The following FRMD4B variants were observed in gnomAD, a reference collection of about 807,000 sequenced individuals.
The protein encoded by FRMD4B is FERM domain containing 4B.
FRMD4B carries 74 observed loss-of-function variants against 141.5 expected under a neutral mutation model. The observed-to-expected ratio is 0.52, with a 90% CI of 0.43 to 0.63. The LOEUF (loss-of-function observed/expected upper bound fraction) is 0.63, where lower values mean the gene tolerates loss of function less well. FRMD4B is among the 30% of genes least tolerant of loss of function. FRMD4B has a pLI of 0.00. For synonymous variants in FRMD4B, 506 were observed against 467.9 expected (o/e 1.08, Z -1.05); for missense variants, 1,366 against 1,253.4 (o/e 1.09, Z -1.36).
intron 1 of FRMD4B, among the ~76,000 whole-genome samples, chr3:69,477,381 A>G (rs1399588030): frequency 2.7e-5 from 4 of 147,766 alleles, no homozygotes; most frequent in African/African-American, 7.8e-5. Context: ...ACGTCCCATC[A>G]ATACCTAATT....
chr3:69,354,174 G>A (rs1285126333), intron 1 of FRMD4B, among the ~76,000 whole-genome samples: 1 of 152,146 alleles, frequency 6.6e-6, no homozygotes, highest in African/African-American at 2.4e-5. Context: ...AGCCACAACA[G>A]AAAATCTTGG....
chr3:69,402,820 T>C (rs1319667882), intron 2 of FRMD4B, among the ~76,000 whole-genome samples: 1 of 152,138 alleles, frequency 6.6e-6, no homozygotes, highest in Non-Finnish European at 1.5e-5. Context: ...AGATTGCACA[T>C]GACAGACAGT....
intron 5 of FRMD4B, among the ~76,000 whole-genome samples, chr3:69,283,627 C>A (rs2093654327): frequency 6.6e-6 from 1 of 152,138 alleles, no homozygotes; most frequent in Non-Finnish European, 1.5e-5. Flanking sequence ...AACACTTGAT[C>A]AATGCCAACT....
At chr3:69,240,597 T>C (rs2093375539) in intron 7 of FRMD4B, among the ~76,000 whole-genome samples, 1 of 152,032 alleles carries the variant, frequency 6.6e-6, no homozygotes. Flanking sequence ...CTGGGAAACT[T>C]CCTACTAGAC....
At chr3:69,310,203 T>C (rs1701530607) in intron 3 of FRMD4B, among the ~76,000 whole-genome samples, 1 of 152,202 alleles carries the variant, frequency 6.6e-6, no homozygotes, top group African/African-American at 2.4e-5. Context: ...GTGCAAGTCC[T>C]GAGCCTGCTG....
chr3:69,261,420 G>A (rs915761076), intron 5 of FRMD4B, among the ~76,000 whole-genome samples: 1 of 152,194 alleles, frequency 6.6e-6, no homozygotes, highest in Non-Finnish European at 1.5e-5. Flanking sequence ...TGCTTTTAGT[G>A]TATTTAACTT....
intron 1 of FRMD4B, among the ~76,000 whole-genome samples, chr3:69,486,587 G>C (rs756285225): frequency 3.9e-5 from 6 of 152,180 alleles, no homozygotes; most frequent in Non-Finnish European, 7.3e-5. Context: ...CTTCACTCTG[G>C]AGTGAGCAGA....
chr3:69,443,808 C>G (rs921751085), intron 1 of FRMD4B, among the ~76,000 whole-genome samples: 1 of 152,180 alleles, frequency 6.6e-6, no homozygotes, highest in African/African-American at 2.4e-5. Flanking sequence ...CTTTGTAAAA[C>G]TAATGAAAAG....
intron 1 of FRMD4B, among the ~76,000 whole-genome samples, chr3:69,362,697 C>T (rs1363509443): frequency 1.3e-5 from 1 of 79,248 alleles, no homozygotes; most frequent in Non-Finnish European, 2.5e-5. Context: ...CAACAAAAAG[C>T]CAACCCCCCC....
chr3:69,396,989 G>C (rs969352872), intron 2 of FRMD4B, among the ~76,000 whole-genome samples: 1 of 152,128 alleles, frequency 6.6e-6, no homozygotes, highest in African/African-American at 2.4e-5. Context: ...TGGAATGTTA[G>C]CAATAAAAAG....
At chr3:69,538,608 G>A (rs1382280261) in intron 1 of FRMD4B, among the ~76,000 whole-genome samples, 2 of 151,954 alleles carry the variant, frequency 1.3e-5, no homozygotes, top group Non-Finnish European at 2.9e-5. Context: ...CCTTCATATT[G>A]AAAAAACACT....
At chr3:69,455,371 T>C (rs1705580650) in intron 1 of FRMD4B, among the ~76,000 whole-genome samples, 2 of 152,246 alleles carry the variant, frequency 1.3e-5, no homozygotes, top group Admixed American at 1.3e-4. Context: ...ACTGCCTTTA[T>C]GAGCTGTAAC....
rs1340979139 is a variant in FRMD4B, at chr3:69,279,068, TAATAAATAAACA to T, written c.501+8672_501+8683del. 7.8e-4 allele frequency among the ~76,000 whole-genome samples: 118 copies of T among 152,000 alleles called. 1 individual carries two copies. The highest frequency in any genetic ancestry group is 1.2e-4 in the Non-Finnish European group (8 of 68,016). On this transcript the variant is annotated intron_variant, in intron 5 of 22. Transcript: ENST00000398540. ...CATACCATCACATAAAGGATAAGGG[TAATAAATAAACA>T]AATAAATAAACACAACACATACTAC...
At chr3:69,226,853 A>G (rs1172672826) in intron 7 of FRMD4B, among the ~76,000 whole-genome samples, 2 of 152,214 alleles carry the variant, frequency 1.3e-5, no homozygotes, top group Admixed American at 6.5e-5. Context: ...ATTCCATTCA[A>G]TAAGCTCATG....
At chr3:69,509,867 A>C (rs1216948819) in intron 1 of FRMD4B, among the ~76,000 whole-genome samples, 2 of 151,806 alleles carry the variant, frequency 1.3e-5, no homozygotes, top group Non-Finnish European at 2.9e-5. Context: ...TTGATACTAA[A>C]GCGAGTATCA....
At chr3:69,172,029 C>G in intron 22 of FRMD4B, 48 bp from the exon 23 acceptor site, 1 of 1,588,730 alleles carries the variant, frequency 6.3e-7, no homozygotes, top group Non-Finnish European at 8.6e-7. Context: ...ATATTTTTGT[C>G]CCCACAGCAC....
At chr3:69,514,885 C>T (rs1700727210) in intron 1 of FRMD4B, among the ~76,000 whole-genome samples, 1 of 151,978 alleles carries the variant, frequency 6.6e-6, no homozygotes, top group Non-Finnish European at 1.5e-5. Flanking sequence ...TATGGATTCT[C>T]AAGGGACACT....
At chr3:69,311,124 C>T (rs760431610) in intron 3 of FRMD4B, 139 bp downstream of exon 3, 98 of 495,478 alleles carry the variant, frequency 2.0e-4, no homozygotes, top group Non-Finnish European at 1.7e-4. Context: ...GGAGAAAAAT[C>T]GCATATTAAA....
chr3:69,493,185 A>G (rs76730429), intron 1 of FRMD4B, among the ~76,000 whole-genome samples: 3,218 of 152,326 alleles, frequency 0.021, 92 homozygotes, highest in Non-Finnish European at 0.024. Flanking sequence ...AGAAAAAGGG[A>G]ACTATTGGCC....
Sources: gnomAD v4.1 joint callset for allele counts (sites outside exome capture counted in the v4.1 genomes callset) on GRCh38, gnomAD v4.1.1 for gene constraint, MANE v1.5 for transcripts, NCBI Gene and HGNC (gene_info 2026-07-23, HGNC 2026-07-21) for gene names.